CNTLN: variants seen among roughly 807,000 people sequenced by gnomAD.
CNTLN encodes the protein centlein.
CNTLN carries 212 observed loss-of-function variants against 180.0 expected under a neutral mutation model. The observed-to-expected ratio is 1.18, with a 90% CI of 1.05 to 1.32. The LOEUF (loss-of-function observed/expected upper bound fraction) is 1.32, where lower values mean the gene tolerates loss of function less well. Among genes scored for constraint, CNTLN ranks in the 40% most tolerant of loss-of-function variants. The probability of loss-of-function intolerance (pLI) is 0.00; values close to 1 mark genes in which losing one functional copy is unlikely to be tolerated. For synonymous variants in CNTLN, 722 were observed against 563.1 expected (o/e 1.28, Z -3.99); for missense variants, 2,095 against 1,610.9 (o/e 1.30, Z -5.14).
intron 18 of CNTLN, among the ~76,000 whole-genome samples, chr9:17,422,706 G>A (rs1009384811): frequency 2.8e-4 from 42 of 152,080 alleles, no homozygotes; most frequent in African/African-American, 1.0e-3. Flanking sequence ...CCTGGGATTG[G>A]TTACTGGTGC....
At chr9:17,234,099 C>T (rs537137145) in intron 3 of CNTLN, among the ~76,000 whole-genome samples, 15 of 151,956 alleles carry the variant, frequency 9.9e-5, no homozygotes, top group Middle Eastern at 6.8e-3. Context: ...ATGTATTCAG[C>T]GTCTAAATTA....
At chr9:17,515,318 G>A in the CNTLN span, among the ~76,000 whole-genome samples, 1 of 151,884 alleles carries the variant, frequency 6.6e-6, no homozygotes, top group Non-Finnish European at 1.5e-5. Context: ...TAAATGTTAG[G>A]GGTACTACCA....
intron 2 of CNTLN, among the ~76,000 whole-genome samples, chr9:17,222,778 T>C (rs922724708): frequency 6.6e-6 from 1 of 152,076 alleles, no homozygotes; most frequent in African/African-American, 2.4e-5. Context: ...ATCATTCCTT[T>C]CTACTAAATT....
At position 17,394,859 on chromosome 9, in the gene CNTLN, C is replaced by T; in HGVS notation, c.2405C>T (p.Ala802Val). The T allele has an allele frequency of 1.2e-6, 2 of 1,613,976 alleles. No individual in the cohort carries two copies. The highest frequency in any genetic ancestry group is 1.7e-6 in the Non-Finnish European group (2 of 1,179,938). ...INPMEKSHQS[A>V]DRAKSEMATM... ...CCAATGGAGAAATCACACCAGTCAG[C>T]AGACAGAGCTAAATCCGAGATGGCC... The change falls in exon 15 of 26, where the codon GCA becomes GTA. Residue 802 changes from alanine to valine, a missense_variant. Physicochemically the swap from Ala to Val is moderately conservative, Grantham distance 64. Transcript: ENST00000380647.
chr9:17,405,028 G>A (rs564192439), intron 15 of CNTLN, among the ~76,000 whole-genome samples: 8 of 151,788 alleles, frequency 5.3e-5, no homozygotes, highest in South Asian at 2.1e-4. Flanking sequence ...GTGAGCCACC[G>A]CGCCCAGCCT....
intron 5 of CNTLN, among the ~76,000 whole-genome samples, chr9:17,251,090 G>A (rs147685059): frequency 8.7e-4 from 132 of 152,036 alleles, no homozygotes; most frequent in African/African-American, 2.9e-3. Context: ...TGTACTTCAT[G>A]GTTTCTGGCA....
intron 6 of CNTLN, among the ~76,000 whole-genome samples, chr9:17,296,260 C>A (rs759859094): frequency 6.6e-6 from 1 of 152,154 alleles, no homozygotes; most frequent in East Asian, 1.9e-4. Flanking sequence ...CTCAGGTGAT[C>A]CACCTGCCTC....
At chr9:17,136,675 T>G (rs563228959) in intron 1 of CNTLN, among the ~76,000 whole-genome samples, 1 of 152,344 alleles carries the variant, frequency 6.6e-6, no homozygotes, top group East Asian at 1.9e-4. Context: ...GCTGACTGAG[T>G]GAAGGGTGTA....
chr9:17,384,920 C>T (rs1825569794), intron 13 of CNTLN, among the ~76,000 whole-genome samples: 2 of 152,098 alleles, frequency 1.3e-5, no homozygotes, highest in South Asian at 2.1e-4. Flanking sequence ...TAGTGCAGAC[C>T]CTACAGATTA....
chr9:17,490,763 A>T (rs1003092049), intron 25 of CNTLN, among the ~76,000 whole-genome samples: 4 of 152,086 alleles, frequency 2.6e-5, no homozygotes, highest in Non-Finnish European at 4.4e-5. Context: ...ACTCCTTGAT[A>T]ATGGAAAATA....
At chr9:17,386,931 C>G (rs912155498) in intron 13 of CNTLN, among the ~76,000 whole-genome samples, 5 of 152,140 alleles carry the variant, frequency 3.3e-5, no homozygotes, top group African/African-American at 1.2e-4. Flanking sequence ...TAAATGAATT[C>G]AGCACCATGG....
chr9:17,190,484 G>C (rs957719090), intron 2 of CNTLN, among the ~76,000 whole-genome samples: 2 of 151,656 alleles, frequency 1.3e-5, no homozygotes, highest in Non-Finnish European at 2.9e-5. Flanking sequence ...TTTTAACATG[G>C]CTATTAAAAT....
At chr9:17,502,399 C>G (rs1023691823) in intron 25 of CNTLN, 152 bp from the exon 26 acceptor site, 11 of 419,000 alleles carry the variant, frequency 2.6e-5, no homozygotes, top group Admixed American at 1.9e-4. Context: ...CCACACTAAC[C>G]AGCAAGATCA....
intron 10 of CNTLN, among the ~76,000 whole-genome samples, chr9:17,338,337 G>GTAT (rs1554691994): frequency 1.0e-5 from 1 of 100,440 alleles, no homozygotes; most frequent in South Asian, 3.3e-4. Context: ...GCTAATTTTT[G>GTAT]TTTTTTTTTT....
At chr9:17,173,909 A>G (rs1159265715) in intron 2 of CNTLN, among the ~76,000 whole-genome samples, 3 of 152,226 alleles carry the variant, frequency 2.0e-5, no homozygotes, top group Non-Finnish European at 4.4e-5. Flanking sequence ...AAGACAGGAT[A>G]TTGACATTTA....
At chr9:17,168,998 A>G (rs1167236300) in intron 2 of CNTLN, among the ~76,000 whole-genome samples, 5 of 151,916 alleles carry the variant, frequency 3.3e-5, no homozygotes, top group Non-Finnish European at 7.4e-5. Flanking sequence ...ATAGATTTAG[A>G]GTCTTTTTAT....
chr9:17,157,572 C>T lies in CNTLN; in HGVS notation c.449+14196C>T, dbSNP rs138554826. 1.8e-3 allele frequency among the ~76,000 whole-genome samples: 267 copies of T among 152,244 alleles called. 1 individual carries two copies. Among genetic ancestry groups the T allele is most frequent in the African/African-American group, 6.1e-3 (254 of 41,550 alleles). ...AGTTTTGGATGTGTTTGTGACAGTG[C>T]TTCTGGAAGAGATTAGCGTTTGAAT... On this transcript the variant is annotated intron_variant, in intron 2 of 25. Transcript: ENST00000380647.
intron 5 of CNTLN, among the ~76,000 whole-genome samples, chr9:17,266,818 T>C (rs553008290): frequency 3.6e-4 from 55 of 152,308 alleles, no homozygotes; most frequent in Admixed American, 2.7e-3. Context: ...CTTTTGATCT[T>C]TGTTGGTTTG....
chr9:17,430,678 T>C (rs1170619341), intron 18 of CNTLN, among the ~76,000 whole-genome samples: 1 of 152,118 alleles, frequency 6.6e-6, no homozygotes, highest in Non-Finnish European at 1.5e-5. Flanking sequence ...TTTGTACACA[T>C]TAACCAAGTT....
Sources: gnomAD v4.1 joint callset for allele counts (sites outside exome capture counted in the v4.1 genomes callset) on GRCh38, gnomAD v4.1.1 for gene constraint, MANE v1.5 for transcripts, NCBI Gene and HGNC (gene_info 2026-07-23, HGNC 2026-07-21) for gene names.